Variants in PRIM2 observed in about 807,000 individuals in gnomAD.
The protein encoded by PRIM2 is DNA primase subunit 2, also known as DNA primase large subunit.
A neutral mutation model predicts 67.3 loss-of-function variants in PRIM2; 39 were observed. That is an observed-to-expected ratio of 0.58 (90% CI 0.45 to 0.76). The LOEUF is 0.76. Among genes scored for constraint, PRIM2 ranks in the 30% least tolerant of loss-of-function variants. The pLI, the probability that PRIM2 is intolerant of heterozygous loss-of-function variation, is 0.00. For synonymous variants in PRIM2, 143 were observed against 198.7 expected, an observed-to-expected ratio of 0.72 and a Z score of 2.36; for missense variants, 398 against 598.7, an observed-to-expected ratio of 0.66 and a Z score of 3.50.
chr6:57,246,588 G>C, the PRIM2 span, among the ~76,000 whole-genome samples: 1 of 152,158 alleles, frequency 6.6e-6, no homozygotes, highest in South Asian at 2.1e-4. Flanking sequence ...TCAGGGTGTA[G>C]GTACTATAAC....
At chr6:57,629,324 T>C (rs1777005712) in intron 12 of PRIM2, among the ~76,000 whole-genome samples, 1 of 152,192 alleles carries the variant, frequency 6.6e-6, no homozygotes, top group African/African-American at 2.4e-5. Flanking sequence ...AATATCTGTT[T>C]GTTAATCATA....
intron 7 of PRIM2, among the ~76,000 whole-genome samples, chr6:57,456,820 GT>G (rs1436056053): frequency 6.6e-6 from 1 of 152,062 alleles, no homozygotes; most frequent in Non-Finnish European, 1.5e-5. Context: ...GCTTTGTTCT[GT>G]TGCTGGTGAG....
At chr6:57,613,718 G>T (rs1443278886) in intron 12 of PRIM2, among the ~76,000 whole-genome samples, 4 of 152,168 alleles carry the variant, frequency 2.6e-5, no homozygotes, top group African/African-American at 9.7e-5. Flanking sequence ...TTCCCACAGA[G>T]CAACATGAAG....
chr6:57,430,320 G>A (rs866743519), intron 7 of PRIM2, among the ~76,000 whole-genome samples: 18 of 152,184 alleles, frequency 1.2e-4, no homozygotes, highest in Middle Eastern at 3.4e-3. Flanking sequence ...CTTGCTCATA[G>A]CATTAAGTAG....
intron 10 of PRIM2, among the ~76,000 whole-genome samples, chr6:57,577,053 C>T (rs1775976373): frequency 6.6e-6 from 1 of 152,014 alleles, no homozygotes; most frequent in Non-Finnish European, 1.5e-5. Context: ...AACCATGTTT[C>T]CCCAAAAACT....
chr6:57,610,836 G>C (rs1582019035), intron 12 of PRIM2, among the ~76,000 whole-genome samples: 3 of 152,270 alleles, frequency 2.0e-5, no homozygotes, highest in Admixed American at 1.3e-4. Flanking sequence ...TAGAAGCCTT[G>C]AACAATACTG....
the PRIM2 span, among the ~76,000 whole-genome samples, chr6:57,301,518 G>C: frequency 2.6e-5 from 4 of 151,882 alleles, no homozygotes; most frequent in Admixed American, 6.6e-5. Flanking sequence ...AAGAATAGGA[G>C]AGTCTGGGTG....
At chr6:57,509,088 T>C (rs1554347475) in intron 8 of PRIM2, among the ~76,000 whole-genome samples, 1 of 151,786 alleles carries the variant, frequency 6.6e-6, no homozygotes, top group African/African-American at 2.4e-5. Flanking sequence ...TTCTTTATTT[T>C]TCCTTTCTTT....
intron 13 of PRIM2, among the ~76,000 whole-genome samples, chr6:57,632,438 A>G (rs1777051930): frequency 6.6e-6 from 1 of 152,332 alleles, no homozygotes; most frequent in East Asian, 1.9e-4. Flanking sequence ...AATCTTTACT[A>G]CAGTTGTCAC....
intron 10 of PRIM2, among the ~76,000 whole-genome samples, chr6:57,588,517 G>A (rs1776233840): frequency 6.6e-6 from 1 of 151,530 alleles, no homozygotes. Context: ...TCTCTGGTGA[G>A]GAGGGGGACT....
intron 8 of PRIM2, among the ~76,000 whole-genome samples, chr6:57,514,510 G>A (rs1774439746): frequency 1.3e-5 from 2 of 152,156 alleles, no homozygotes. Context: ...GTCTCTGGCA[G>A]TACCTTGAAC....
chr6:57,482,007 C>T (rs1177079908), intron 7 of PRIM2, among the ~76,000 whole-genome samples: 6 of 152,018 alleles, frequency 3.9e-5, no homozygotes, highest in African/African-American at 1.4e-4. Flanking sequence ...CAGAAGGCTT[C>T]GTGGGTGGCC....
Position 57,646,153 on chromosome 6 carries a change from T to A in PRIM2, c.1525T>A (p.Ser509Thr). ...ACTAGAAGATTACTTTAGTGAAGAT[T>A]CTTAGGCAGTTTTATAACCCTTTTT... is the stretch of plus-strand genomic sequence containing the variant. ...EGLEDYFSED[S>T] The change falls in exon 14 of 14, where the codon TCT becomes ACT. Residue 509 changes from serine to threonine, a missense_variant. Ser to Thr is a moderately conservative substitution (Grantham distance 58). Around this residue, in one of 4 missense-constraint regions of PRIM2, gnomAD observed 72 missense variants for 89.4 expected, o/e 0.81. Transcript: ENST00000615550. 1 of 1,574,986 alleles carries A rather than the reference T, an allele frequency of 6.3e-7. No individual in the cohort carries two copies.
chr6:57,235,767 A>G, the PRIM2 span, among the ~76,000 whole-genome samples: 134,255 of 152,158 alleles, frequency 0.88, 59,989 homozygotes, highest in South Asian at 0.98. Context: ...GAGGGAAGCA[A>G]GAGGGTCAGA....
chr6:57,430,291 A>G (rs1333854228), intron 7 of PRIM2, among the ~76,000 whole-genome samples: 1 of 152,144 alleles, frequency 6.6e-6, no homozygotes, highest in Admixed American at 6.6e-5. Flanking sequence ...AGGTGAACTA[A>G]TTGCTACCCC....
intron 5 of PRIM2, among the ~76,000 whole-genome samples, chr6:57,364,732 G>A (rs961728400): frequency 3.3e-5 from 5 of 152,046 alleles, no homozygotes; most frequent in African/African-American, 1.2e-4. Flanking sequence ...CTTGCCCCTT[G>A]AGACTGAAGA....
At chr6:57,639,425 GAC>G (rs1259987153) in intron 13 of PRIM2, among the ~76,000 whole-genome samples, 1 of 151,624 alleles carries the variant, frequency 6.6e-6, no homozygotes, top group Non-Finnish European at 1.5e-5. Context: ...AGGAGATAGA[GAC>G]ACAAAAAACC....
At chr6:57,416,046 C>G (rs1771249450) in intron 7 of PRIM2, among the ~76,000 whole-genome samples, 1 of 152,190 alleles carries the variant, frequency 6.6e-6, no homozygotes, top group East Asian at 1.9e-4. Flanking sequence ...TTAATGGCAT[C>G]TAGATTGGTG....
At chr6:57,577,493 G>A (rs1221483491) in intron 10 of PRIM2, among the ~76,000 whole-genome samples, 54,892 of 145,936 alleles carry the variant, frequency 0.38, 9,826 homozygotes, top group East Asian at 0.63. Flanking sequence ...GCAGTGGCAC[G>A]ATCTTGGCTC....
Sources: allele counts gnomAD v4.1 joint callset (sites outside exome capture counted in the v4.1 genomes callset), GRCh38; gene constraint gnomAD v4.1.1; regional missense constraint gnomAD v4.1.1; transcripts MANE v1.5; gene names NCBI Gene and HGNC (gene_info 2026-07-23, HGNC 2026-07-21).